The following TCERG1 variants were observed in gnomAD, a reference collection of about 807,000 sequenced individuals.
TCERG1 encodes TATA box binding protein (TBP)-associated factor, RNA polymerase II, S, 150kD.
A neutral mutation model predicts 144.7 loss-of-function variants in TCERG1; 37 were observed. The ratio of observed to expected loss-of-function variants is 0.26; its 90% CI spans 0.20 to 0.34. The LOEUF is 0.34. Among genes scored for constraint, TCERG1 ranks in the 10% least tolerant of loss-of-function variants. TCERG1 has a pLI of 1.00. For synonymous variants in TCERG1, 492 were observed against 458.2 expected (o/e 1.07, Z -0.94); for missense variants, 1,027 against 1,380.7 (o/e 0.74, Z 4.06).
In TCERG1 at chr5:146,482,873, A is replaced by C. The variant is rs562407542; in HGVS notation, c.2073+146A>C. 33 of 1,155,798 alleles carry C rather than the reference A, an allele frequency of 2.9e-5. No individual in the cohort carries two copies. The South Asian group carries it at 3.2e-4, about 11-fold the overall frequency. The allele number at this position is 1,155,798 out of a possible 1,614,324, so 71.6% of individuals were successfully genotyped here. A position where few individuals can be genotyped will look rare whatever the true frequency, so the allele number is the denominator to read the frequency against. On this transcript the variant is annotated intron_variant, in intron 14 of 22. Transcript: ENST00000679501. Reference sequence around the variant, plus strand: ...AAAATTACTGTACATTTTTTGCAACAGCCTTTTTCTTGGCTAATCTTATCA... The same window carrying C: ...AAAATTACTGTACATTTTTTGCAACCGCCTTTTTCTTGGCTAATCTTATCA...
intron 16 of TCERG1, among the ~76,000 whole-genome samples, chr5:146,494,436 T>C (rs780261388): frequency 2.6e-5 from 4 of 152,318 alleles, no homozygotes; most frequent in Non-Finnish European, 5.9e-5. Context: ...TTGGTAGATA[T>C]GACTAAGTCT....
intron 8 of TCERG1, 52 bp from the exon 9 acceptor site, chr5:146,471,436 C>T (rs374571297): frequency 6.7e-6 from 10 of 1,499,376 alleles, no homozygotes; most frequent in Admixed American, 5.9e-5. Context: ...TTTTGTGGAA[C>T]ATTCAGGTAT....
intron 5 of TCERG1, among the ~76,000 whole-genome samples, chr5:146,464,945 G>T (rs1763643725): frequency 6.7e-6 from 1 of 149,002 alleles, no homozygotes; most frequent in Middle Eastern, 3.5e-3. Flanking sequence ...AAAATTTCAG[G>T]TTTTTTTTTT....
intron 19 of TCERG1, chr5:146,505,712 A>G (rs1031674917): frequency 1.2e-4 from 17 of 137,614 alleles, no homozygotes; most frequent in Admixed American, 5.6e-4. Flanking sequence ...TGTGCTCAGC[A>G]TATGACTGCA....
chr5:146,507,319 A>G lies in TCERG1; in HGVS notation c.2961+112A>G. ...TCATGGTCTTTAGATTCATTACTGG[A>G]ATGCATCTTATGACAATTCTCTGAT... On this transcript the variant is annotated intron_variant, in intron 20 of 22. Transcript: ENST00000679501. This position sits in a 1 kb window ranked among gnomAD's most constrained non-coding sequence, Gnocchi z 4.6. 1.0e-6 allele frequency: 1 copy of G among 974,316 alleles called. No homozygotes were observed. The highest frequency in any genetic ancestry group is 1.5e-6 in the Non-Finnish European group (1 of 680,718). 60.4% of individuals were successfully genotyped at this position (974,316 alleles called of 1,614,324 possible).
In TCERG1 at chr5:146,509,133, TTTTA is replaced by T; in HGVS notation, c.3046-9_3046-6del. On this transcript the variant is annotated splice_polypyrimidine_tract_variant and splice_region_variant and intron_variant, in intron 21 of 22. Coordinates refer to ENST00000679501, the MANE Select transcript of TCERG1 (RefSeq NM_001382548.1). ...ATTTCCATAATCTCAACTTTTTTTT[TTTTA>T]TTAACAGAAAAAACAAAGAGAATTT... The T allele has an allele frequency of 2.0e-6, 3 of 1,523,896 alleles. No homozygotes were observed. Among genetic ancestry groups the T allele is most frequent in the Non-Finnish European group, 2.7e-6 (3 of 1,126,238 alleles). 94.4% of individuals were successfully genotyped at this position (1,523,896 alleles called of 1,614,324 possible).
At chr5:146,466,008 G>A (rs1220739447) in intron 5 of TCERG1, among the ~76,000 whole-genome samples, 2 of 129,398 alleles carry the variant, frequency 1.5e-5, no homozygotes, top group Non-Finnish European at 3.1e-5. Context: ...CAACAAGAGC[G>A]AAACTCTGTC....
At chr5:146,503,681 T>A (rs938489444) in intron 18 of TCERG1, 142 bp downstream of exon 18, 49 of 1,359,572 alleles carry the variant, frequency 3.6e-5, no homozygotes, top group Admixed American at 5.1e-5. Flanking sequence ...TCTAGTTGAT[T>A]TGGAGATGAG....
intron 15 of TCERG1, among the ~76,000 whole-genome samples, chr5:146,488,328 C>G (rs1283984677): frequency 6.6e-6 from 1 of 152,150 alleles, no homozygotes; most frequent in Non-Finnish European, 1.5e-5. Context: ...TATTTGCTAA[C>G]TACTTATTTG....
intron 15 of TCERG1, among the ~76,000 whole-genome samples, chr5:146,485,797 T>G (rs1007845215): frequency 1.3e-5 from 2 of 152,138 alleles, no homozygotes; most frequent in Admixed American, 1.3e-4. Flanking sequence ...AGGGTTCAAG[T>G]GATCCTCCCA....
At chr5:146,457,925 C>T (rs1762970751) in intron 3 of TCERG1, among the ~76,000 whole-genome samples, 1 of 152,242 alleles carries the variant, frequency 6.6e-6, no homozygotes, top group South Asian at 2.1e-4. Context: ...TGTTGGTTCA[C>T]TGCAACCTCT....
Position 146,507,657 on chromosome 5 carries a change from C to T in TCERG1, c.2962-216C>T. On this transcript the variant is annotated intron_variant, in intron 20 of 22. Transcript: ENST00000679501. The surrounding 1 kb of genome is among the most constrained non-coding windows in gnomAD (Gnocchi z 4.6). Reference sequence around the variant, plus strand: ...GGGTTTGCAGGTGATTGTCTTAGGCCACCTTGAAAGTATGGCCATGAAAAT... The same window carrying T: ...GGGTTTGCAGGTGATTGTCTTAGGCTACCTTGAAAGTATGGCCATGAAAAT... 2.3e-6 allele frequency: 1 copy of T among 428,198 alleles called. No homozygotes were observed. The highest frequency in any genetic ancestry group is 4.1e-6 in the Non-Finnish European group (1 of 243,458). The allele number at this position is 428,198 out of a possible 1,614,324, so 26.5% of individuals were successfully genotyped here.
chr5:146,450,712 C>G (rs2163770), intron 1 of TCERG1, among the ~76,000 whole-genome samples: 1 of 152,016 alleles, frequency 6.6e-6, no homozygotes, highest in Non-Finnish European at 1.5e-5. Context: ...ATGGCAACTT[C>G]AGGCTATTCA....
intron 5 of TCERG1, among the ~76,000 whole-genome samples, chr5:146,464,529 T>G (rs1763607484): frequency 6.6e-6 from 1 of 152,226 alleles, no homozygotes; most frequent in Non-Finnish European, 1.5e-5. Context: ...AGAGAAAGAA[T>G]TAAGAAATAT....
rs150857855 is a variant in TCERG1 at position 146,455,220 on chromosome 5, A to G, written c.224A>G (p.Asn75Ser). ...TTTGGACGTCCTCCTTTTGATCCTAATATGCCGCCAATGCCTCCTCCAGGA... is the reference window on the plus strand; with the variant it reads ...TTTGGACGTCCTCCTTTTGATCCTAGTATGCCGCCAATGCCTCCTCCAGGA... ...PPFGRPPFDP[N>S]MPPMPPPGGI... The change falls in exon 2 of 23, where the codon AAT becomes AGT. Residue 75 changes from asparagine to serine, a missense_variant. Physicochemically the swap from Asn to Ser is conservative, Grantham distance 46. This residue lies in a region of TCERG1 where 175 missense variants were observed against 197.0 expected (regional missense o/e 0.89). Coordinates refer to ENST00000679501, the MANE Select transcript of TCERG1 (RefSeq NM_001382548.1). 93 of 1,614,126 alleles carry G rather than the reference A, an allele frequency of 5.8e-5. No individual in the cohort carries two copies. In the African/African-American group the frequency reaches 8.8e-4, roughly 15 times the overall value.
At chr5:146,457,047 T>C (rs969279618) in intron 2 of TCERG1, 136 bp from the exon 3 acceptor site, 2 of 1,156,482 alleles carry the variant, frequency 1.7e-6, no homozygotes, top group African/African-American at 3.1e-5. Context: ...GACATTTTGC[T>C]TCTATGACAG....
At chr5:146,497,874 T>C (rs1461375076) in intron 16 of TCERG1, among the ~76,000 whole-genome samples, 1 of 152,224 alleles carries the variant, frequency 6.6e-6, no homozygotes, top group Non-Finnish European at 1.5e-5. Context: ...GCTTGATATA[T>C]AGAGTGATCT....
At chr5:146,462,658 A>G (rs1210912696) in intron 4 of TCERG1, among the ~76,000 whole-genome samples, 2 of 152,154 alleles carry the variant, frequency 1.3e-5, no homozygotes, top group African/African-American at 4.8e-5. Context: ...AATGAGAGAA[A>G]CCTGAGTTGT....
At chr5:146,461,594 T>C (rs970210488) in intron 4 of TCERG1, among the ~76,000 whole-genome samples, 6 of 152,196 alleles carry the variant, frequency 3.9e-5, no homozygotes, top group Non-Finnish European at 8.8e-5. Flanking sequence ...GTAAGAGGAA[T>C]GGGTTGTAAA....
Sources: gnomAD v4.1 joint callset for allele counts (sites outside exome capture counted in the v4.1 genomes callset) on GRCh38, gnomAD v4.1.1 for gene constraint, gnomAD v4.1.1 regional missense constraint, Gnocchi (gnomAD v3.1) non-coding constraint, MANE v1.5 for transcripts, NCBI Gene and HGNC (gene_info 2026-07-23, HGNC 2026-07-21) for gene names.